The following CNTN5 variants were observed in gnomAD, a reference collection of about 807,000 sequenced individuals.
The protein encoded by CNTN5 is contactin-5.
In CNTN5, 77 loss-of-function variants were observed where a neutral mutation model predicts 129.1. That is an observed-to-expected ratio of 0.60 (90% CI 0.50 to 0.72). The LOEUF is 0.72. Ranked by LOEUF, CNTN5 falls within the 30% of genes least tolerant of loss-of-function variation. The pLI, the probability that CNTN5 is intolerant of heterozygous loss-of-function variation, is 0.00. For synonymous variants in CNTN5, 509 were observed against 465.6 expected (o/e 1.09, Z -1.20); for missense variants, 1,478 against 1,328.8 (o/e 1.11, Z -1.75).
chr11:99,612,166 T>A (rs1950610589), intron 3 of CNTN5, among the ~76,000 whole-genome samples: 1 of 152,176 alleles, frequency 6.6e-6, no homozygotes, highest in Admixed American at 6.6e-5. Flanking sequence ...ACGAGGAAAC[T>A]GAGACTCATA....
At chr11:99,964,431 G>A (rs943482987) in intron 8 of CNTN5, among the ~76,000 whole-genome samples, 14 of 152,176 alleles carry the variant, frequency 9.2e-5, no homozygotes, top group East Asian at 5.8e-4. Flanking sequence ...GGTTTTTGCC[G>A]TTGGTTCTGT....
intron 8 of CNTN5, among the ~76,000 whole-genome samples, chr11:99,999,928 G>C (rs995940863): frequency 3.3e-5 from 5 of 151,006 alleles, no homozygotes; most frequent in African/African-American, 1.2e-4. Context: ...AACACTGCAT[G>C]TTCTCACTCA....
intron 3 of CNTN5, among the ~76,000 whole-genome samples, chr11:99,767,157 T>C (rs1944782956): frequency 6.6e-6 from 1 of 152,144 alleles, no homozygotes; most frequent in Admixed American, 6.6e-5. Context: ...CTATCATGTA[T>C]CTGTTTATTT....
At chr11:99,400,449 A>T (rs768310763) in intron 2 of CNTN5, among the ~76,000 whole-genome samples, 7 of 152,118 alleles carry the variant, frequency 4.6e-5, no homozygotes, top group Non-Finnish European at 2.9e-5. Context: ...TAGGAGTACC[A>T]CATTTTCTTT....
intron 3 of CNTN5, among the ~76,000 whole-genome samples, chr11:99,777,989 C>G (rs982830939): frequency 6.6e-6 from 1 of 151,738 alleles, no homozygotes; most frequent in Non-Finnish European, 1.5e-5. Context: ...CCATAATAGG[C>G]GTACCCTTAC....
At chr11:99,561,301 A>AAGTC (rs1431528942) in intron 3 of CNTN5, among the ~76,000 whole-genome samples, 1 of 151,326 alleles carries the variant, frequency 6.6e-6, no homozygotes, top group East Asian at 1.9e-4. Context: ...ATAAGTAAGT[A>AAGTC]AGTAAGTAAG....
intron 2 of CNTN5, among the ~76,000 whole-genome samples, chr11:99,519,344 C>G (rs188791827): frequency 1.3e-4 from 20 of 152,166 alleles, no homozygotes; most frequent in Non-Finnish European, 2.2e-4. Flanking sequence ...TAACATCATG[C>G]TGCTATCCTT....
At chr11:100,205,732 TATTAG>T (rs148401994) in intron 15 of CNTN5, among the ~76,000 whole-genome samples, 5,814 of 152,086 alleles carry the variant, frequency 0.038, 237 homozygotes, top group African/African-American at 0.1. Flanking sequence ...ATTTATATTA[TATTAG>T]ATATTATAAC....
chr11:99,479,173 T>A (rs1945492732), intron 2 of CNTN5, among the ~76,000 whole-genome samples: 1 of 152,050 alleles, frequency 6.6e-6, no homozygotes, highest in South Asian at 2.1e-4. Context: ...TAATTCTTAT[T>A]TTTAAGAACT....
intron 1 of CNTN5, among the ~76,000 whole-genome samples, chr11:99,290,035 T>A (rs1413036450): frequency 6.6e-6 from 1 of 151,848 alleles, no homozygotes; most frequent in Non-Finnish European, 1.5e-5. Context: ...TTCTGCTACA[T>A]CTGAAGTTAT....
At chr11:99,626,200 G>A (rs1239134350) in intron 3 of CNTN5, among the ~76,000 whole-genome samples, 1 of 151,942 alleles carries the variant, frequency 6.6e-6, no homozygotes, top group East Asian at 1.9e-4. Flanking sequence ...CTATGGATGG[G>A]GATTAATTCA....
intron 3 of CNTN5, among the ~76,000 whole-genome samples, chr11:99,697,928 C>T (rs1198137263): frequency 6.6e-6 from 1 of 151,654 alleles, no homozygotes; most frequent in Non-Finnish European, 1.5e-5. Flanking sequence ...GCTTAGTATT[C>T]ATATTAGTCT....
At chr11:100,288,389 C>T (rs923618083) in intron 18 of CNTN5, among the ~76,000 whole-genome samples, 1 of 152,084 alleles carries the variant, frequency 6.6e-6, no homozygotes, top group Admixed American at 6.6e-5. Flanking sequence ...TGTGAAAGAA[C>T]AGAAATTATA....
intron 13 of CNTN5, among the ~76,000 whole-genome samples, chr11:100,154,115 C>A (rs1269824389): frequency 6.6e-6 from 1 of 152,072 alleles, no homozygotes; most frequent in Non-Finnish European, 1.5e-5. Context: ...AGCACCCCAA[C>A]CCCGAACAAG....
At chr11:99,820,104 C>T (rs1453586899) in intron 4 of CNTN5, among the ~76,000 whole-genome samples, 18 of 151,722 alleles carry the variant, frequency 1.2e-4, no homozygotes, top group Admixed American at 1.2e-3. Flanking sequence ...TTGAGACAGA[C>T]ACTACTGGGT....
chr11:99,731,148 G>A (rs1015131967), intron 3 of CNTN5, among the ~76,000 whole-genome samples: 7 of 150,290 alleles, frequency 4.7e-5, no homozygotes, highest in Middle Eastern at 6.8e-3. Flanking sequence ...TTGCTCTGTC[G>A]CCCAGGCTGG....
intron 9 of CNTN5, among the ~76,000 whole-genome samples, chr11:100,028,400 G>A (rs2137599372): frequency 6.6e-6 from 1 of 152,224 alleles, no homozygotes; most frequent in South Asian, 2.1e-4. Flanking sequence ...AGGAAAGTAG[G>A]AATAACAATT....
intron 3 of CNTN5, among the ~76,000 whole-genome samples, chr11:99,725,525 T>G (rs1432436806): frequency 8.0e-6 from 1 of 124,234 alleles, no homozygotes; most frequent in African/African-American, 3.1e-5. Context: ...TAAGTAAATA[T>G]TCAGCATTTT....
chr11:99,878,265 C>T (rs1321032905), intron 6 of CNTN5, among the ~76,000 whole-genome samples: 1 of 152,094 alleles, frequency 6.6e-6, no homozygotes, highest in Non-Finnish European at 1.5e-5. Flanking sequence ...CCCATTCTTA[C>T]CTTCTTTTTG....
Sources: allele counts gnomAD v4.1 joint callset (sites outside exome capture counted in the v4.1 genomes callset), GRCh38; gene constraint gnomAD v4.1.1; transcripts MANE v1.5; gene names NCBI Gene and HGNC (gene_info 2026-07-23, HGNC 2026-07-21).